GOLM1: variants seen among roughly 807,000 people sequenced by gnomAD.
GOLM1 encodes the protein epididymis luminal protein 46.
GOLM1 carries 31 observed loss-of-function variants against 50.5 expected under a neutral mutation model. The ratio of observed to expected loss-of-function variants is 0.61; its 90% CI spans 0.46 to 0.83. The LOEUF is 0.83. GOLM1 is among the 40% of genes least tolerant of loss of function. GOLM1 has a pLI of 0.00. For missense variants in GOLM1, 491 were observed against 501.3 expected (o/e 0.98, Z 0.20); for synonymous variants, 178 against 192.8 (o/e 0.92, Z 0.64).
intron 3 of GOLM1, among the ~76,000 whole-genome samples, chr9:86,058,681 G>A (rs184557516): frequency 0.021 from 2,492 of 118,936 alleles, 32 homozygotes; most frequent in Middle Eastern, 0.039. Context: ...GGGCAACAGA[G>A]CAAGACTCTG....
chr9:86,052,596 A>G lies in GOLM1; in HGVS notation c.310-5T>C. 6.2e-7 allele frequency: 1 copy of G among 1,613,384 alleles called. No homozygotes were observed. ...GATGTTATTCACCAAAACCGCCTGCAACGAAGATAAACTCGCATGAAACAC... is the reference window on the plus strand; with the variant it reads ...GATGTTATTCACCAAAACCGCCTGCGACGAAGATAAACTCGCATGAAACAC... On this transcript the variant is annotated splice_region_variant and splice_polypyrimidine_tract_variant and intron_variant, in intron 3 of 9. Coordinates refer to ENST00000388712, the MANE Select transcript of GOLM1 (RefSeq NM_016548.4).
chr9:86,063,147 C>T lies in GOLM1; in HGVS notation c.310-10556G>A, dbSNP rs552648542. ...CTGCCAACAGGGCTTGACCCAGGAG[C>T]GGGGGCTTGAAAAGCTCCAGCTCCG... On this transcript the variant is annotated intron_variant, in intron 3 of 9. Coordinates refer to ENST00000388712, the MANE Select transcript of GOLM1 (RefSeq NM_016548.4). Among the ~76,000 whole-genome samples, 6 of 152,358 alleles carry T rather than the reference C, an allele frequency of 3.9e-5. No individual in the cohort carries two copies. In the South Asian group the frequency reaches 8.3e-4, roughly 21 times the overall value.
chr9:86,057,502 C>G (rs1424878401), intron 3 of GOLM1, among the ~76,000 whole-genome samples: 1 of 152,066 alleles, frequency 6.6e-6, no homozygotes, highest in Non-Finnish European at 1.5e-5. Flanking sequence ...CACCTGTGGG[C>G]TCACCCGAGC....
At chr9:86,041,468 G>A (rs560198562) in intron 5 of GOLM1, among the ~76,000 whole-genome samples, 2 of 152,258 alleles carry the variant, frequency 1.3e-5, no homozygotes, top group South Asian at 2.1e-4. Flanking sequence ...GACAAACTCC[G>A]GACCAGAAGG....
At position 86,062,210 on chromosome 9, in the gene GOLM1, C is replaced by T. The variant is rs1834180282; in HGVS notation, c.310-9619G>A. Among the ~76,000 whole-genome samples, 4 of 152,246 alleles carry T rather than the reference C, an allele frequency of 2.6e-5. No homozygotes were observed. The South Asian group carries it at 8.3e-4, about 32-fold the overall frequency. Reference sequence around the variant, plus strand: ...TCGCTGGGAGAGTGCAGGATGCTCCCAGGACCCGCCCTGGGGTCACCCGGG... The same window carrying T: ...TCGCTGGGAGAGTGCAGGATGCTCCTAGGACCCGCCCTGGGGTCACCCGGG... On this transcript the variant is annotated intron_variant, in intron 3 of 9. Coordinates refer to ENST00000388712, the MANE Select transcript of GOLM1 (RefSeq NM_016548.4).
rs187167280 is a variant in GOLM1, at chr9:86,056,547, C to T, written c.310-3956G>A. ...TTTGAGACGAAGTCTCGCCTGTCGC[C>T]CAGGCTGGAATGCAGTGGCGTGATC... On this transcript the variant is annotated intron_variant, in intron 3 of 9. Coordinates refer to ENST00000388712, the MANE Select transcript of GOLM1 (RefSeq NM_016548.4). Among the ~76,000 whole-genome samples, 12 of 149,486 alleles carry T rather than the reference C, an allele frequency of 8.0e-5. No individual in the cohort carries two copies. The East Asian group carries it at 1.6e-3, about 19-fold the overall frequency.
chr9:86,083,419 C>G lies in GOLM1; in HGVS notation c.-21-4078G>C, dbSNP rs549975017. On this transcript the variant is annotated intron_variant, in intron 1 of 9. Coordinates refer to ENST00000388712, the MANE Select transcript of GOLM1 (RefSeq NM_016548.4). ...GTTTTTCTGAGATGGGAGTCTTGCT[C>G]TGTCACCCAGGCTAGAGTGCAGTGG... 4.9e-4 allele frequency among the ~76,000 whole-genome samples: 75 copies of G among 152,338 alleles called. No individual in the cohort carries two copies. The South Asian group carries it at 0.015, about 29-fold the overall frequency.
At chr9:86,054,329 C>T (rs1047373939) in intron 3 of GOLM1, among the ~76,000 whole-genome samples, 13 of 150,518 alleles carry the variant, frequency 8.6e-5, no homozygotes, top group African/African-American at 2.5e-4. Context: ...TGCAATGGCG[C>T]GATCTCCGGT....
chr9:86,035,281 G>A, intron 8 of GOLM1, 87 bp downstream of exon 8: 2 of 1,549,706 alleles, frequency 1.3e-6, no homozygotes, highest in Admixed American at 1.9e-5. Context: ...AATTCAGGGT[G>A]ATATGTTGGT....
chr9:86,026,743 A>C lies in GOLM1; in HGVS notation c.*1074T>G. ...CTTAATGCCATTGTTATTGTGAATT[A>C]GGATTAAGTAGTAATTTTCAAAATT... On this transcript the variant is annotated 3_prime_UTR_variant, in exon 10 of 10. Transcript: ENST00000388712. 1 of 982,450 alleles carries C rather than the reference A, an allele frequency of 1.0e-6. No individual in the cohort carries two copies. The highest frequency in any genetic ancestry group is 1.2e-6 in the Non-Finnish European group (1 of 827,224). The allele number at this position is 982,450 out of a possible 1,614,324, so 60.9% of individuals were successfully genotyped here. A position where few individuals can be genotyped will look rare whatever the true frequency, so the allele number is the denominator to read the frequency against.
intron 3 of GOLM1, among the ~76,000 whole-genome samples, chr9:86,065,948 G>C (rs889849483): frequency 6.6e-6 from 1 of 152,120 alleles, no homozygotes; most frequent in African/African-American, 2.4e-5. Flanking sequence ...GCTGAGGCAG[G>C]AGAATCATAT....
At chr9:86,028,809 C>T (rs1259134735) in intron 9 of GOLM1, among the ~76,000 whole-genome samples, 8 of 152,128 alleles carry the variant, frequency 5.3e-5, no homozygotes, top group Admixed American at 5.2e-4. Flanking sequence ...AAGCCATACC[C>T]CCATTGCATG....
At chr9:86,066,756 G>T (rs1464525236) in intron 3 of GOLM1, among the ~76,000 whole-genome samples, 1 of 152,008 alleles carries the variant, frequency 6.6e-6, no homozygotes, top group Non-Finnish European at 1.5e-5. Flanking sequence ...GCAGGAAGAT[G>T]TGCCTTTCCC....
intron 1 of GOLM1, among the ~76,000 whole-genome samples, chr9:86,081,127 A>T (rs1834768937): frequency 6.6e-6 from 1 of 151,322 alleles, no homozygotes; most frequent in East Asian, 1.9e-4. Context: ...ACCTCAAGTG[A>T]TCCTCCCATC....
At chr9:86,077,623 C>A in intron 2 of GOLM1, 32 bp from the exon 3 acceptor site, 1 of 1,556,800 alleles carries the variant, frequency 6.4e-7, no homozygotes, top group Non-Finnish European at 8.8e-7. Context: ...AGGGCTGATG[C>A]CAAGTTACCT....
At chr9:86,093,961 G>A (rs1014980871) in intron 1 of GOLM1, among the ~76,000 whole-genome samples, 16 of 152,238 alleles carry the variant, frequency 1.1e-4, no homozygotes, top group Admixed American at 9.2e-4. Context: ...CCTTCTCAGA[G>A]GAATGGCCCC....
intron 3 of GOLM1, among the ~76,000 whole-genome samples, chr9:86,062,477 A>C (rs532679937): frequency 1.6e-4 from 23 of 144,572 alleles, no homozygotes; most frequent in Admixed American, 9.6e-4. Flanking sequence ...GAGGGAAGGG[A>C]GGACGGGGGA....
intron 2 of GOLM1, chr9:86,077,797 G>C: frequency 1.8e-6 from 1 of 546,184 alleles, no homozygotes; most frequent in South Asian, 2.8e-5. Flanking sequence ...TGTAAGTGAA[G>C]GAAGGCTCTG....
chr9:86,086,202 T>G (rs1484779410), intron 1 of GOLM1, among the ~76,000 whole-genome samples: 1 of 152,250 alleles, frequency 6.6e-6, no homozygotes, highest in South Asian at 2.1e-4. Context: ...TGGTTTTGAT[T>G]TGCATTTCTC....
Sources: gnomAD v4.1 joint callset for allele counts (sites outside exome capture counted in the v4.1 genomes callset) on GRCh38, gnomAD v4.1.1 for gene constraint, MANE v1.5 for transcripts, NCBI Gene and HGNC (gene_info 2026-07-23, HGNC 2026-07-21) for gene names.